CAB39L: variants seen among roughly 807,000 people sequenced by gnomAD.
CAB39L encodes the protein calcium binding protein 39 like.
Under a neutral mutation model 39.1 loss-of-function variants are expected in CAB39L, and 23 were observed. The ratio of observed to expected loss-of-function variants is 0.59; its 90% CI spans 0.42 to 0.83. The LOEUF (loss-of-function observed/expected upper bound fraction) is 0.83. CAB39L is among the 40% of genes least tolerant of loss of function. The probability of loss-of-function intolerance (pLI) is 0.00; values close to 1 mark genes in which losing one functional copy is unlikely to be tolerated. For synonymous variants in CAB39L, 126 were observed against 137.2 expected, an observed-to-expected ratio of 0.92 and a Z score of 0.57; for missense variants, 366 against 391.9, an observed-to-expected ratio of 0.93 and a Z score of 0.56.
rs1956903753 is a variant in CAB39L, at chr13:49,407,433, C to CATTATTGA, written c.-31-24500_-31-24493dup. 2.0e-5 allele frequency among the ~76,000 whole-genome samples: 3 copies of CATTATTGA among 152,042 alleles called. No individual in the cohort carries two copies. The East Asian group carries it at 5.8e-4, about 29-fold the overall frequency. On this transcript the variant is annotated intron_variant, in intron 3 of 10. Coordinates refer to ENST00000409308, the MANE Select transcript of CAB39L (RefSeq NM_001079670.3). ...AACTAGCCAATGAATGTTTAAGGTA[C>CATTATTGA]ATTATTGAATTGATTAGTCCATTAA...
At chr13:49,339,766 A>G in intron 8 of CAB39L, 24 bp from the exon 9 acceptor site, 9 of 1,536,858 alleles carry the variant, frequency 5.9e-6, no homozygotes, top group Non-Finnish European at 7.9e-6. Context: ...AATACACATT[A>G]GAGTGTAAAA....
At chr13:49,386,007 A>T (rs7139498) in intron 3 of CAB39L, among the ~76,000 whole-genome samples, 81,290 of 151,990 alleles carry the variant, frequency 0.53, 23,048 homozygotes, top group African/African-American at 0.7. Context: ...ATTTTTCAAA[A>T]ACACGGTGTC....
chr13:49,382,869 T>G lies in CAB39L; in HGVS notation c.42A>C (p.Pro14=), dbSNP rs377347810. Residue 14 remains proline, a synonymous_variant, in exon 4 of 11, where the codon CCA becomes CCC. Transcript: ENST00000409308. ...CTTTCAGGATTTTCACAATTTCTGC[T>G]GGATTTTTGTGTGATTTACTAAACA... ...MPLFSKSHKN[P]AEIVKILKDN... is the part of the protein sequence containing the mutation. The G allele has an allele frequency of 4.3e-6, 7 of 1,612,108 alleles. No individual in the cohort carries two copies. The highest frequency in any genetic ancestry group is 3.4e-5 in the Admixed American group (2 of 59,668).
intron 8 of CAB39L, among the ~76,000 whole-genome samples, chr13:49,342,779 C>T (rs1955041451): frequency 6.6e-6 from 1 of 152,066 alleles, no homozygotes; most frequent in South Asian, 2.1e-4. Context: ...CTGAGATGTG[C>T]TGTAAGTGTA....
chr13:49,438,949 G>A (rs1426064480), intron 1 of CAB39L, among the ~76,000 whole-genome samples: 2 of 152,186 alleles, frequency 1.3e-5, no homozygotes, highest in Admixed American at 6.5e-5. Flanking sequence ...TATTCAATAA[G>A]TGGCATTAAG....
At chr13:49,346,097 C>CTATATATATA (rs1955153735) in intron 7 of CAB39L, among the ~76,000 whole-genome samples, 1 of 8,682 alleles carries the variant, frequency 1.2e-4, no homozygotes, top group Non-Finnish European at 2.7e-4. Flanking sequence ...TATATATATG[C>CTATATATATA]TAGATATATA....
intron 3 of CAB39L, among the ~76,000 whole-genome samples, chr13:49,385,897 A>G (rs1261861301): frequency 6.6e-6 from 1 of 152,182 alleles, no homozygotes; most frequent in Non-Finnish European, 1.5e-5. Context: ...AAATATTGTG[A>G]GAATTAACAA....
intron 7 of CAB39L, among the ~76,000 whole-genome samples, chr13:49,345,761 C>CT (rs1158219648): frequency 3.3e-5 from 5 of 152,062 alleles, no homozygotes; most frequent in African/African-American, 1.2e-4. Flanking sequence ...CTGTGGATTG[C>CT]TGCACCCATG....
intron 3 of CAB39L, among the ~76,000 whole-genome samples, chr13:49,427,309 T>C (rs1469056026): frequency 1.3e-5 from 2 of 152,180 alleles, no homozygotes; most frequent in African/African-American, 2.4e-5. Flanking sequence ...CAAGATACTT[T>C]AGATTTACAC....
intron 3 of CAB39L, among the ~76,000 whole-genome samples, chr13:49,396,728 C>T (rs1446089025): frequency 6.6e-6 from 1 of 151,866 alleles, no homozygotes; most frequent in Admixed American, 6.6e-5. Flanking sequence ...AAAAAAAATT[C>T]AGAAAAGGTC....
chr13:49,363,241 T>TA (rs1382245629), intron 5 of CAB39L, among the ~76,000 whole-genome samples: 1 of 152,174 alleles, frequency 6.6e-6, no homozygotes, highest in Non-Finnish European at 1.5e-5. Flanking sequence ...ACTCTTGTCT[T>TA]AAGGAGAAAG....
intron 3 of CAB39L, among the ~76,000 whole-genome samples, chr13:49,406,940 T>C (rs1410073922): frequency 6.6e-6 from 1 of 152,214 alleles, no homozygotes. Flanking sequence ...GGTCAGCATA[T>C]AACTGTCAGT....
chr13:49,359,780 CCTAT>C lies in CAB39L; in HGVS notation c.325_328del (p.Ile109AlafsTer37), dbSNP rs1157354965. The C allele has an allele frequency of 1.2e-6, 2 of 1,612,970 alleles. No homozygotes were observed. The highest frequency in any genetic ancestry group is 1.7e-6 in the Non-Finnish European group (2 of 1,179,192). On this transcript the variant is annotated frameshift_variant, in exon 6 of 11. Transcript: ENST00000409308. LOFTEE classifies it high-confidence loss of function. ...ATACTCCACAGTAGGACTCCGAGTGCCTATCTGTCTTCTCAAGATGTTGTTAAAT... is the reference window on the plus strand; with the variant it reads ...ATACTCCACAGTAGGACTCCGAGTGCCTGTCTTCTCAAGATGTTGTTAAAT...
chr13:49,394,996 A>G (rs1474363679), intron 3 of CAB39L, among the ~76,000 whole-genome samples: 2 of 152,232 alleles, frequency 1.3e-5, no homozygotes, highest in Non-Finnish European at 2.9e-5. Flanking sequence ...AAACCTATGT[A>G]TAGAAAAAAT....
intron 3 of CAB39L, among the ~76,000 whole-genome samples, chr13:49,383,959 C>G (rs537125052): frequency 1.3e-4 from 20 of 152,050 alleles, no homozygotes; most frequent in Non-Finnish European, 2.9e-5. Context: ...GCTGACTGAT[C>G]AGGTTGTTGG....
intron 3 of CAB39L, among the ~76,000 whole-genome samples, chr13:49,399,354 C>T (rs1232384501): frequency 2.0e-5 from 3 of 152,020 alleles, no homozygotes; most frequent in Non-Finnish European, 4.4e-5. Context: ...CCAGAAAACC[C>T]ATAAGCATCC....
chr13:49,336,990 A>C (rs993478603), intron 9 of CAB39L, among the ~76,000 whole-genome samples: 1 of 152,162 alleles, frequency 6.6e-6, no homozygotes, highest in Non-Finnish European at 1.5e-5. Context: ...TTCTACACAA[A>C]GGGGAAACTC....
chr13:49,311,902 AT>A (rs904693434), intron 10 of CAB39L, among the ~76,000 whole-genome samples: 14 of 152,138 alleles, frequency 9.2e-5, no homozygotes, highest in Admixed American at 6.5e-4. Flanking sequence ...GTATGTATTT[AT>A]TTATTTTTGA....
intron 10 of CAB39L, among the ~76,000 whole-genome samples, chr13:49,329,547 ATATATATATATAT>A (rs1566066061): frequency 0.047 from 1,565 of 33,062 alleles, 181 homozygotes; most frequent in East Asian, 0.12. Context: ...AAAAAAAAAT[ATATATATATATAT>A]ATATATATAT....
Sources: allele counts gnomAD v4.1 joint callset (sites outside exome capture counted in the v4.1 genomes callset), GRCh38; gene constraint gnomAD v4.1.1; transcripts MANE v1.5; gene names NCBI Gene and HGNC (gene_info 2026-07-23, HGNC 2026-07-21).